IL6: variants seen among roughly 807,000 people sequenced by gnomAD.
IL6 encodes interleukin 6.
A neutral mutation model predicts 18.0 loss-of-function variants in IL6; 5 were observed. That is an observed-to-expected ratio of 0.28 (90% confidence interval 0.15 to 0.58). The LOEUF (loss-of-function observed/expected upper bound fraction) is 0.58, where lower values mean the gene tolerates loss of function less well. Ranked by LOEUF, IL6 falls within the 20% of genes least tolerant of loss-of-function variation. The probability of loss-of-function intolerance (pLI) is 0.90; values close to 1 mark genes in which losing one functional copy is unlikely to be tolerated. For missense variants in IL6, 266 were observed against 251.0 expected (o/e 1.06, Z -0.40); for synonymous variants, 97 against 95.1 (o/e 1.02, Z -0.12).
chr7:22,728,726 A>C lies in IL6; in HGVS notation c.244A>C (p.Lys82Gln). 1 of 1,612,410 alleles carries C rather than the reference A, an allele frequency of 6.2e-7. No homozygotes were observed. The highest frequency in any genetic ancestry group is 8.5e-7 in the Non-Finnish European group (1 of 1,178,370). The change falls in exon 3 of 5, where the codon AAA becomes CAA. Residue 82 changes from lysine (K) to glutamine (Q), a missense_variant. Physicochemically the swap from Lys to Gln is moderately conservative, Grantham distance 53. Transcript: ENST00000258743. ...CAAGAGTAACATGTGTGAAAGCAGC[A>C]AAGAGGCACTGGCAGAAAACAACCT... ...CNKSNMCESS[K>Q]EALAENNLNL...
chr7:22,727,762 C>A, intron 2 of IL6, 128 bp downstream of exon 2: 2 of 1,003,514 alleles, frequency 2.0e-6, no homozygotes, highest in Non-Finnish European at 2.8e-6. Flanking sequence ...GATTTGAGGC[C>A]AACGGGGCCG....
chr7:22,728,121 A>C (rs1304249472), intron 2 of IL6, among the ~76,000 whole-genome samples: 1 of 152,134 alleles, frequency 6.6e-6, no homozygotes, highest in East Asian at 1.9e-4. Context: ...AAATAGGTTA[A>C]AGCATCTCCC....
intron 1 of IL6, 25 bp from the exon 2 acceptor site, chr7:22,727,419 C>G (rs1337393694): frequency 2.5e-6 from 4 of 1,613,462 alleles, no homozygotes; most frequent in Non-Finnish European, 3.4e-6. Context: ...CAGCTCACCC[C>G]TGCGCTCGCT....
chr7:22,727,318 C>A, intron 1 of IL6, 37 bp downstream of exon 1: 11 of 1,613,986 alleles, frequency 6.8e-6, no homozygotes, highest in Non-Finnish European at 9.3e-6. Context: ...GAACTGCCAG[C>A]GGCGGTCGAG....
intron 2 of IL6, 91 bp from the exon 3 acceptor site, chr7:22,728,602 T>C (rs1367804584): frequency 1.3e-6 from 1 of 762,952 alleles, no homozygotes; most frequent in Non-Finnish European, 2.3e-6. Flanking sequence ...CTTAGAGACT[T>C]TCCTGGCTGT....
At chr7:22,729,681 T>G (rs369156051) in intron 4 of IL6, 21 bp downstream of exon 4, 1 of 1,614,140 alleles carries the variant, frequency 6.2e-7, no homozygotes, top group Admixed American at 1.7e-5. Context: ...CCTCATTCCC[T>G]CAACTTGGTG....
chr7:22,727,456 C>G lies in IL6; in HGVS notation c.32C>G (p.Pro11Arg). 1 of 1,614,026 alleles carries G rather than the reference C, an allele frequency of 6.2e-7. No individual in the cohort carries two copies. The change falls in exon 2 of 5, where the codon CCA becomes CGA. Residue 11 changes from proline (P) to arginine (R), a missense_variant. By Grantham distance (103) the Pro-to-Arg change is moderately radical. Coordinates refer to ENST00000258743, the MANE Select transcript of IL6 (RefSeq NM_000600.5). MNSFSTSAFG[P>R]VAFSLGLLLV... ...CCCTCCGGCACAGGCGCCTTCGGTC[C>G]AGTTGCCTTCTCCCTGGGGCTGCTC...
chr7:22,727,707 G>A (rs919575652), intron 2 of IL6, 73 bp downstream of exon 2: 1 of 1,498,446 alleles, frequency 6.7e-7, no homozygotes, highest in Non-Finnish European at 8.9e-7. Context: ...TGTGGCCGGG[G>A]GCTGCCTGCA....
chr7:22,729,635 T>A lies in IL6; in HGVS notation c.446T>A (p.Val149Asp), dbSNP rs750469507. The stretch of plus-strand genomic sequence containing the variant: ...AGAGCTGTGCAGATGAGTACAAAAG[T>A]CCTGATCCAGTTCCTGCAGAAAAAG... Reference protein sequence around the residue: ...QARAVQMSTKVLIQFLQKKAK... With the variant: ...QARAVQMSTKDLIQFLQKKAK... Residue 149 changes from valine (V) to aspartate (D), a missense_variant, in exon 4 of 5, where the codon GTC becomes GAC. Physicochemically the swap from Val to Asp is radical, Grantham distance 152 (BLOSUM62 -3). Transcript: ENST00000258743. The A allele has an allele frequency of 6.2e-7, 1 of 1,614,154 alleles. No individual in the cohort carries two copies. The highest frequency in any genetic ancestry group is 8.5e-7 in the Non-Finnish European group (1 of 1,180,032).
rs200477775 is a variant in IL6 at position 22,731,411 on chromosome 7, G to C, written c.477G>C (p.Lys159Asn). The C allele has an allele frequency of 6.4e-7, 1 of 1,565,396 alleles. No individual in the cohort carries two copies. The change falls in exon 5 of 5, where the codon AAG (lysine) becomes AAC (asparagine). Residue 159 changes from lysine (K) to asparagine (N), a missense_variant. By Grantham distance (94) the Lys-to-Asn change is moderately conservative. Transcript: ENST00000258743. The part of the protein sequence containing the change: ...VLIQFLQKKA[K>N]NLDAITTPDP... ...TTACTTTCATTTTCCTTCAGGCAAA[G>C]AATCTAGATGCAATAACCACCCCTG...
At chr7:22,729,482 A>G in intron 3 of IL6, 32 bp from the exon 4 acceptor site, 3 of 1,601,136 alleles carry the variant, frequency 1.9e-6, no homozygotes, top group Non-Finnish European at 2.6e-6. Flanking sequence ...TCTCCTGGCG[A>G]TAACCAATTT....
intron 4 of IL6, 180 bp downstream of exon 4, chr7:22,729,840 G>A: frequency 6.7e-7 from 1 of 1,503,730 alleles, no homozygotes; most frequent in Non-Finnish European, 8.9e-7. Context: ...TTGGTTGGTT[G>A]GCTCTCTTCT....
chr7:22,729,982 G>T, intron 4 of IL6: 1 of 985,356 alleles, frequency 1.0e-6, no homozygotes, highest in South Asian at 4.7e-5. Flanking sequence ...TCCAACTCCA[G>T]CCAGTGATCC....
At chr7:22,728,320 G>A (rs1205865619) in intron 2 of IL6, among the ~76,000 whole-genome samples, 3 of 152,180 alleles carry the variant, frequency 2.0e-5, no homozygotes. Context: ...GATCCTTCCT[G>A]CTGGAACATT....
Position 22,731,612 on chromosome 7 carries a change from T to C in IL6, c.*39T>C, listed in dbSNP as rs779055090. The C allele has an allele frequency of 2.0e-6, 3 of 1,509,694 alleles. No homozygotes were observed. In the African/African-American group the frequency reaches 4.1e-5, roughly 21 times the overall value. The allele number at this position is 1,509,694 out of a possible 1,614,324, so 93.5% of individuals were successfully genotyped here. On this transcript the variant is annotated 3_prime_UTR_variant, in exon 5 of 5. Coordinates refer to ENST00000258743, the MANE Select transcript of IL6 (RefSeq NM_000600.5). ...GATTGTTGTTGTTAATGGGCATTCC[T>C]TCTTCTGGTCAGAAACCTGTCCACT...
intron 1 of IL6, 72 bp downstream of exon 1, chr7:22,727,353 G>A (rs771943009): frequency 1.9e-6 from 3 of 1,613,860 alleles, no homozygotes. Context: ...GGGGTGTGTG[G>A]CCCAGGGAGG....
intron 3 of IL6, among the ~76,000 whole-genome samples, chr7:22,729,296 C>T (rs1396966629): frequency 6.6e-6 from 1 of 152,206 alleles, no homozygotes; most frequent in African/African-American, 2.4e-5. Context: ...CACATTCTAG[C>T]ATCTGTTGGG....
intron 4 of IL6, chr7:22,730,427 C>A: frequency 3.9e-6 from 1 of 258,826 alleles, no homozygotes; most frequent in Non-Finnish European, 6.0e-6. Flanking sequence ...GGTGATGCTG[C>A]AGAATTCCAG....
intron 2 of IL6, 22 bp from the exon 3 acceptor site, chr7:22,728,671 C>T: frequency 7.2e-7 from 1 of 1,389,018 alleles, no homozygotes; most frequent in Non-Finnish European, 1.0e-6. Context: ...TAGGTGATAA[C>T]AATTCTGGTA....
Sources: gnomAD v4.1 joint callset for allele counts (sites outside exome capture counted in the v4.1 genomes callset) on GRCh38, gnomAD v4.1.1 for gene constraint, MANE v1.5 for transcripts, NCBI Gene and HGNC (gene_info 2026-07-23, HGNC 2026-07-21) for gene names.